LRRC56: variants seen among roughly 807,000 people sequenced by gnomAD.
LRRC56 encodes the protein leucine-rich repeat-containing protein 56.
In LRRC56, 41 loss-of-function variants were observed where a neutral mutation model predicts 47.8. That is an observed-to-expected ratio of 0.86 (90% CI 0.67 to 1.11). The LOEUF is 1.11. Ranked by LOEUF, LRRC56 falls within the 50% of genes most tolerant of loss-of-function variation. LRRC56 has a pLI of 0.00. For missense variants in LRRC56, 759 were observed against 704.2 expected, an observed-to-expected ratio of 1.08 and a Z score of -0.88; for synonymous variants, 387 against 311.2, an observed-to-expected ratio of 1.24 and a Z score of -2.56.
At chr11:509,726 T>A in the LRRC56 span, among the ~76,000 whole-genome samples, 2,763 of 150,194 alleles carry the variant, frequency 0.018, 43 homozygotes, top group Non-Finnish European at 0.029. Flanking sequence ...TTTTTTTTTT[T>A]TTTTTTTTTT....
chr11:531,838 C>T, the LRRC56 span, among the ~76,000 whole-genome samples: 1 of 152,228 alleles, frequency 6.6e-6, no homozygotes, highest in Non-Finnish European at 1.5e-5. Context: ...GTCCCTATGT[C>T]TGCCATTCTT....
At chr11:538,057 G>A (rs1851608640) in intron 1 of LRRC56, among the ~76,000 whole-genome samples, 1 of 152,176 alleles carries the variant, frequency 6.6e-6, no homozygotes, top group Non-Finnish European at 1.5e-5. Context: ...CTTGCAGAGG[G>A]GACACAGGGT....
chr11:507,695 C>A, the LRRC56 span, among the ~76,000 whole-genome samples: 4 of 152,240 alleles, frequency 2.6e-5, no homozygotes, highest in African/African-American at 4.8e-5. Flanking sequence ...AGAAACCCCC[C>A]TGGGGCGGCT....
In LRRC56 at chr11:539,691, C is replaced by A. The variant is rs1252506856; in HGVS notation, c.-47C>A. On this transcript the variant is annotated 5_prime_UTR_variant, in exon 3 of 14. Transcript: ENST00000270115. ...GATTACAGGCGTGAGCCACTGCGCC[C>A]CGCCAGACGTCTGCATCTTTAAGGG... 1 of 152,318 alleles carries A rather than the reference C, an allele frequency of 6.6e-6. No individual in the cohort carries two copies. The highest frequency in any genetic ancestry group is 2.1e-4 in the South Asian group (1 of 4,844). The allele number at this position is 152,318 out of a possible 1,614,324, so 9.4% of individuals were successfully genotyped here. A position where few individuals can be genotyped will look rare whatever the true frequency, so the allele number is the denominator to read the frequency against.
the LRRC56 span, among the ~76,000 whole-genome samples, chr11:516,192 A>G: frequency 2.0e-5 from 3 of 151,860 alleles, no homozygotes; most frequent in African/African-American, 7.3e-5. Context: ...CCAGGAGTTC[A>G]AGACCAGCCT....
chr11:541,650 G>T lies in LRRC56; in HGVS notation c.265+26G>T, dbSNP rs770408740. The T allele has an allele frequency of 2.3e-6, 3 of 1,310,830 alleles. No homozygotes were observed. Among genetic ancestry groups the T allele is most frequent in the Non-Finnish European group, 2.1e-6 (2 of 940,948 alleles). The allele number at this position is 1,310,830 out of a possible 1,614,324, so 81.2% of individuals were successfully genotyped here. On this transcript the variant is annotated intron_variant, in intron 5 of 13. Coordinates refer to ENST00000270115, the MANE Select transcript of LRRC56 (RefSeq NM_198075.4). The surrounding 1 kb of genome is among the most constrained non-coding windows in gnomAD (Gnocchi z 4.1). ...GTGAGCCTCTTCCCACCCCGCCATG[G>T]CCACGGCCACGGCCACGCCTCCCTG...
intron 1 of LRRC56, among the ~76,000 whole-genome samples, chr11:537,930 C>A (rs1057488035): frequency 1.3e-5 from 2 of 152,164 alleles, no homozygotes; most frequent in Admixed American, 1.3e-4. Context: ...TCCGAGCCCC[C>A]ATGGTGAAGG....
intron 13 of LRRC56, among the ~76,000 whole-genome samples, chr11:553,258 C>G (rs913159144): frequency 2.6e-5 from 4 of 152,240 alleles, no homozygotes; most frequent in African/African-American, 9.6e-5. Context: ...AGAGAGGACC[C>G]TCCCTCAGCG....
At chr11:553,484 G>A (rs1852545984) in intron 13 of LRRC56, among the ~76,000 whole-genome samples, 1 of 152,090 alleles carries the variant, frequency 6.6e-6, no homozygotes, top group African/African-American at 2.4e-5. Flanking sequence ...TGCAGGGGTG[G>A]AGGGAGGGCA....
At position 539,583 on chromosome 11, in the gene LRRC56, A is replaced by C. The variant is rs1191904304; in HGVS notation, c.-155A>C. On this transcript the variant is annotated 5_prime_UTR_variant, in exon 3 of 14. Transcript: ENST00000270115. ...TTTTTTTTTTTTGTATTTTTAGTAGAGACAGGGTTTCACCGTGTTAGCCAG... is the reference window on the plus strand; with the variant it reads ...TTTTTTTTTTTTGTATTTTTAGTAGCGACAGGGTTTCACCGTGTTAGCCAG... 1 of 141,210 alleles carries C rather than the reference A, an allele frequency of 7.1e-6. No homozygotes were observed. The allele number at this position is 141,210 out of a possible 1,614,324, so 8.7% of individuals were successfully genotyped here.
the LRRC56 span, among the ~76,000 whole-genome samples, chr11:522,992 G>A: frequency 1.3e-5 from 2 of 152,080 alleles, no homozygotes; most frequent in East Asian, 1.9e-4. Flanking sequence ...TATGTACAGA[G>A]ATAATCTATT....
At chr11:537,840 C>T (rs1466143408) in intron 1 of LRRC56, among the ~76,000 whole-genome samples, 1 of 152,170 alleles carries the variant, frequency 6.6e-6, no homozygotes, top group Non-Finnish European at 1.5e-5. Context: ...CAAGCCCTGC[C>T]CCTGAGGGAG....
At chr11:530,328 G>A in the LRRC56 span, among the ~76,000 whole-genome samples, 1 of 152,244 alleles carries the variant, frequency 6.6e-6, no homozygotes, top group Non-Finnish European at 1.5e-5. Context: ...GAAGGAGCCA[G>A]GGTGGCACCC....
the LRRC56 span, among the ~76,000 whole-genome samples, chr11:513,522 A>T: frequency 6.6e-6 from 1 of 152,164 alleles, no homozygotes; most frequent in Non-Finnish European, 1.5e-5. Context: ...CTGAGATAAC[A>T]AAGGATTTAG....
chr11:511,719 T>C, the LRRC56 span, among the ~76,000 whole-genome samples: 3 of 152,204 alleles, frequency 2.0e-5, no homozygotes, highest in Non-Finnish European at 2.9e-5. Context: ...AGATACAAGA[T>C]GCCTCAGGGC....
rs1851968649 is a variant in LRRC56, at chr11:544,393, G to A, written c.266-327G>A. Among the ~76,000 whole-genome samples, 4 of 152,216 alleles carry A rather than the reference G, an allele frequency of 2.6e-5. No individual in the cohort carries two copies. The South Asian group carries it at 8.3e-4, about 32-fold the overall frequency. ...ACAATGGTCTGAGCTTCCCTGCTGT[G>A]TGGACACCCCTCCATGCTGTGCTGC... On this transcript the variant is annotated intron_variant, in intron 5 of 13. Coordinates refer to ENST00000270115, the MANE Select transcript of LRRC56 (RefSeq NM_198075.4).
At chr11:510,222 G>A in the LRRC56 span, among the ~76,000 whole-genome samples, 177 of 152,310 alleles carry the variant, frequency 1.2e-3, 1 homozygote, top group African/African-American at 4.0e-3. Flanking sequence ...AGAAAACACC[G>A]TGGTGCTGAA....
At chr11:509,930 T>C in the LRRC56 span, among the ~76,000 whole-genome samples, 2 of 152,068 alleles carry the variant, frequency 1.3e-5, no homozygotes, top group South Asian at 2.1e-4. Flanking sequence ...ATTGGGAGTA[T>C]ATGGAAGTAT....
intron 6 of LRRC56, among the ~76,000 whole-genome samples, chr11:547,075 CTGGGCT>C (rs1364451939): frequency 6.6e-6 from 1 of 151,090 alleles, no homozygotes; most frequent in Admixed American, 6.6e-5. Flanking sequence ...AAAAAATTAG[CTGGGCT>C]TGGGCTTGGG....
Sources: gnomAD v4.1 joint callset for allele counts (sites outside exome capture counted in the v4.1 genomes callset) on GRCh38, gnomAD v4.1.1 for gene constraint, Gnocchi (gnomAD v3.1) non-coding constraint, MANE v1.5 for transcripts, NCBI Gene and HGNC (gene_info 2026-07-23, HGNC 2026-07-21) for gene names.